Variants in TTC28 observed in about 807,000 individuals in gnomAD.
TTC28 encodes tetratricopeptide repeat protein 28.
TTC28 carries 61 observed loss-of-function variants against 198.0 expected under a neutral mutation model. The observed-to-expected ratio is 0.31, with a 90% confidence interval of 0.25 to 0.38. The LOEUF (loss-of-function observed/expected upper bound fraction) is 0.38. Among genes scored for constraint, TTC28 ranks in the 10% least tolerant of loss-of-function variants. The probability of loss-of-function intolerance (pLI) is 1.00; values close to 1 mark genes in which losing one functional copy is unlikely to be tolerated. For synonymous variants in TTC28, 1,171 were observed against 1,297.8 expected, an observed-to-expected ratio of 0.90 and a Z score of 2.10; for missense variants, 2,678 against 3,164.0, an observed-to-expected ratio of 0.85 and a Z score of 3.69.
intron 8 of TTC28, among the ~76,000 whole-genome samples, chr22:28,102,295 C>T (rs1942178713): frequency 6.6e-6 from 1 of 152,196 alleles, no homozygotes. Flanking sequence ...CCTTTTCAGT[C>T]TAAGATTTTG....
chr22:28,625,002 T>C lies in TTC28; in HGVS notation c.381+4550A>G, dbSNP rs1601635248. On this transcript the variant is annotated intron_variant, in intron 2 of 22. Transcript: ENST00000397906. The stretch of plus-strand genomic sequence containing the variant: ...TATTAACAGCTAGCTAAAAAAATTA[T>C]AATTTCAATAGATGAAGAAAAAATA... Among the ~76,000 whole-genome samples the C allele has an allele frequency of 2.6e-5, 4 of 152,284 alleles. No individual in the cohort carries two copies. The South Asian group carries it at 8.3e-4, about 32-fold the overall frequency.
At chr22:28,433,893 T>C (rs1406782331) in intron 2 of TTC28, among the ~76,000 whole-genome samples, 2 of 152,240 alleles carry the variant, frequency 1.3e-5, no homozygotes, top group East Asian at 1.9e-4. Context: ...TTCAAAATGT[T>C]TTCAGTCTCT....
chr22:28,649,464 T>C (rs2051532320), intron 1 of TTC28, among the ~76,000 whole-genome samples: 2 of 152,178 alleles, frequency 1.3e-5, no homozygotes, highest in Admixed American at 6.5e-5. Flanking sequence ...TGAGGTTTTG[T>C]TTGTTTTAAG....
chr22:28,192,851 A>G (rs1422873561), intron 5 of TTC28, among the ~76,000 whole-genome samples: 1 of 152,226 alleles, frequency 6.6e-6, no homozygotes, highest in African/African-American at 2.4e-5. Flanking sequence ...AATGCAAACA[A>G]GTTGGAAACC....
intron 1 of TTC28, among the ~76,000 whole-genome samples, chr22:28,660,484 C>A (rs1438088952): frequency 2.0e-5 from 3 of 152,140 alleles, no homozygotes; most frequent in African/African-American, 7.2e-5. Flanking sequence ...CACCACCACA[C>A]CCGGCTAATT....
At chr22:28,473,904 G>C (rs1480483693) in intron 2 of TTC28, among the ~76,000 whole-genome samples, 1 of 152,208 alleles carries the variant, frequency 6.6e-6, no homozygotes, top group Non-Finnish European at 1.5e-5. Context: ...AGCCTCAAAA[G>C]AAATCAACCC....
chr22:27,988,281 CTTT>C (rs138641), intron 21 of TTC28, among the ~76,000 whole-genome samples: 2 of 99,466 alleles, frequency 2.0e-5, no homozygotes, highest in Admixed American at 1.0e-4. Flanking sequence ...AAGAAGCTTG[CTTT>C]TTTTTTTTTT....
chr22:28,006,269 A>G (rs559771523), intron 14 of TTC28, among the ~76,000 whole-genome samples: 1 of 152,340 alleles, frequency 6.6e-6, no homozygotes, highest in Admixed American at 6.5e-5. Context: ...CCCACAGGAC[A>G]GCGCTAACAT....
In TTC28 at chr22:28,369,197, T is replaced by C. The variant is rs1021526181; in HGVS notation, c.382-62554A>G. ...GACTTCAAATTACACTACAGAACTA[T>C]AGTAACCAAAACAGCATGGTACTAG... On this transcript the variant is annotated intron_variant, in intron 2 of 22. Transcript: ENST00000397906. 3.3e-5 allele frequency among the ~76,000 whole-genome samples: 5 copies of C among 152,080 alleles called. No homozygotes were observed. The East Asian group carries it at 5.8e-4, about 18-fold the overall frequency.
intron 2 of TTC28, among the ~76,000 whole-genome samples, chr22:28,444,760 C>G (rs368839502): frequency 6.6e-6 from 1 of 152,182 alleles, no homozygotes; most frequent in Non-Finnish European, 1.5e-5. Flanking sequence ...TAGCTACATG[C>G]GAACTTCTCG....
At chr22:28,653,920 CT>C (rs1357411884) in intron 1 of TTC28, among the ~76,000 whole-genome samples, 2 of 152,336 alleles carry the variant, frequency 1.3e-5, no homozygotes, top group Non-Finnish European at 2.9e-5. Context: ...ACACTTAAGT[CT>C]TCTGTCTTCA....
chr22:28,510,722 G>A (rs981872259), intron 2 of TTC28, among the ~76,000 whole-genome samples: 2 of 152,034 alleles, frequency 1.3e-5, no homozygotes, highest in African/African-American at 2.4e-5. Flanking sequence ...AATTATCTTC[G>A]TTTGCAGATG....
intron 2 of TTC28, among the ~76,000 whole-genome samples, chr22:28,573,059 TTGCAGTG>T: frequency 6.6e-6 from 1 of 151,000 alleles, no homozygotes; most frequent in Non-Finnish European, 1.5e-5. Flanking sequence ...GAGGTCAAGG[TTGCAGTG>T]AGCAGTGATT....
chr22:28,164,943 A>G (rs1368711315), intron 5 of TTC28, among the ~76,000 whole-genome samples: 1 of 152,208 alleles, frequency 6.6e-6, no homozygotes, highest in African/African-American at 2.4e-5. Context: ...AAAACTAGAC[A>G]AATGGCTAAC....
intron 2 of TTC28, among the ~76,000 whole-genome samples, chr22:28,512,459 T>C (rs2048702493): frequency 6.6e-6 from 1 of 152,176 alleles, no homozygotes; most frequent in Non-Finnish European, 1.5e-5. Context: ...CATTCTATTA[T>C]AAAGATACAT....
chr22:28,214,476 T>C (rs1467756449), intron 5 of TTC28, among the ~76,000 whole-genome samples: 1 of 152,192 alleles, frequency 6.6e-6, no homozygotes, highest in Non-Finnish European at 1.5e-5. Flanking sequence ...GTGAAGGATA[T>C]GAACAGACAC....
chr22:28,533,609 C>G (rs886853376), intron 2 of TTC28, among the ~76,000 whole-genome samples: 2 of 152,194 alleles, frequency 1.3e-5, no homozygotes, highest in African/African-American at 2.4e-5. Flanking sequence ...CAAGACAATC[C>G]TAAGCCAAAA....
intron 6 of TTC28, among the ~76,000 whole-genome samples, chr22:28,150,235 T>C (rs926286671): frequency 1.3e-5 from 2 of 152,168 alleles, no homozygotes; most frequent in Admixed American, 6.5e-5. Context: ...AAGCAGAACA[T>C]TACCAGAGCC....
chr22:27,996,359 G>T, intron 16 of TTC28, 100 bp from the exon 17 acceptor site: 1 of 1,475,142 alleles, frequency 6.8e-7, no homozygotes. Context: ...TAACCCAGCA[G>T]AAAGAGCAGG....
Sources: allele counts gnomAD v4.1 joint callset (sites outside exome capture counted in the v4.1 genomes callset), GRCh38; gene constraint gnomAD v4.1.1; transcripts MANE v1.5; gene names NCBI Gene and HGNC (gene_info 2026-07-23, HGNC 2026-07-21).